SH3RF3: variants seen among roughly 807,000 people sequenced by gnomAD.
SH3RF3 encodes SH3 domain containing ring finger 3.
In SH3RF3, 29 loss-of-function variants were observed where a neutral mutation model predicts 66.3. The observed-to-expected ratio is 0.44, with a 90% CI of 0.33 to 0.60. The LOEUF is 0.60. Among genes scored for constraint, SH3RF3 ranks in the 20% least tolerant of loss-of-function variants. The pLI is 0.04. For missense variants in SH3RF3, 1,194 were observed against 1,190.9 expected, an observed-to-expected ratio of 1.00 and a Z score of -0.04; for synonymous variants, 583 against 532.0, an observed-to-expected ratio of 1.10 and a Z score of -1.32.
intron 3 of SH3RF3, among the ~76,000 whole-genome samples, chr2:109,387,700 C>A (rs1002009678): frequency 6.6e-6 from 1 of 152,240 alleles, no homozygotes; most frequent in Non-Finnish European, 1.5e-5. Context: ...CACCATTCAA[C>A]GTCCTCTATG....
intron 1 of SH3RF3, among the ~76,000 whole-genome samples, chr2:109,278,544 C>T (rs1287661680): frequency 6.6e-6 from 1 of 152,202 alleles, no homozygotes; most frequent in Non-Finnish European, 1.5e-5. Context: ...ACTGGAATGT[C>T]GGGCCCCAAT....
chr2:109,481,783 C>T (rs1444322125), intron 8 of SH3RF3, among the ~76,000 whole-genome samples: 4 of 152,182 alleles, frequency 2.6e-5, no homozygotes, highest in East Asian at 1.9e-4. Flanking sequence ...CCCTCTGCAC[C>T]GAGACAACTG....
intron 3 of SH3RF3, among the ~76,000 whole-genome samples, chr2:109,377,077 A>C (rs113445454): frequency 3.9e-5 from 6 of 152,206 alleles, no homozygotes; most frequent in African/African-American, 1.4e-4. Context: ...GGCTGAAAAA[A>C]TAGGTGCCTT....
At chr2:109,225,397 C>T (rs1229768509) in intron 1 of SH3RF3, among the ~76,000 whole-genome samples, 1 of 152,132 alleles carries the variant, frequency 6.6e-6, no homozygotes, top group African/African-American at 2.4e-5. Flanking sequence ...CACAGGGACC[C>T]GAAATCTGCA....
At chr2:109,147,646 A>G (rs1228019201) in intron 1 of SH3RF3, among the ~76,000 whole-genome samples, 1 of 152,132 alleles carries the variant, frequency 6.6e-6, no homozygotes, top group Non-Finnish European at 1.5e-5. Flanking sequence ...CTTGAAAATG[A>G]TTTATTTGTC....
intron 1 of SH3RF3, among the ~76,000 whole-genome samples, chr2:109,199,936 G>A (rs1678628161): frequency 7.4e-6 from 1 of 135,316 alleles, no homozygotes; most frequent in Non-Finnish European, 1.6e-5. Flanking sequence ...CCGCTGTACA[G>A]CACGTGTCCC....
intron 1 of SH3RF3, among the ~76,000 whole-genome samples, chr2:109,142,392 CTGTG>C (rs1676978989): frequency 6.6e-6 from 1 of 152,240 alleles, no homozygotes; most frequent in African/African-American, 2.4e-5. Context: ...CCAAAGCACC[CTGTG>C]GGGTTAGCTC....
chr2:109,277,315 G>A (rs1315424817), intron 1 of SH3RF3, among the ~76,000 whole-genome samples: 1 of 152,166 alleles, frequency 6.6e-6, no homozygotes, highest in African/African-American at 2.4e-5. Flanking sequence ...GCAGATGATG[G>A]TTTGATTGGA....
intron 2 of SH3RF3, among the ~76,000 whole-genome samples, chr2:109,351,565 C>T (rs1020269361): frequency 6.6e-6 from 1 of 152,244 alleles, no homozygotes; most frequent in East Asian, 1.9e-4. Context: ...ATTGTGGTCG[C>T]CTTGCCAGGC....
In SH3RF3 at chr2:109,257,462, G is replaced by A. The variant is rs368169104; in HGVS notation, c.574-90212G>A. Among the ~76,000 whole-genome samples the A allele has an allele frequency of 1.8e-4, 28 of 152,204 alleles. No homozygotes were observed. In the South Asian group the frequency reaches 5.8e-3, roughly 32 times the overall value. On this transcript the variant is annotated intron_variant, in intron 1 of 9. Coordinates refer to ENST00000309415, the MANE Select transcript of SH3RF3 (RefSeq NM_001099289.3). ...GAGGGAGGGAGGAAGAAGCCCCATG[G>A]CTTTCTTGTAAATAGCAGCTGCCCT... is the stretch of plus-strand genomic sequence containing the variant.
At chr2:109,320,612 T>C (rs1681999774) in intron 1 of SH3RF3, among the ~76,000 whole-genome samples, 1 of 152,218 alleles carries the variant, frequency 6.6e-6, no homozygotes, top group African/African-American at 2.4e-5. Context: ...GCTTACTAGG[T>C]CACCAAAATC....
intron 4 of SH3RF3, among the ~76,000 whole-genome samples, chr2:109,408,980 G>C (rs1452297981): frequency 6.6e-6 from 1 of 152,202 alleles, no homozygotes; most frequent in East Asian, 1.9e-4. Flanking sequence ...GGGCAAGATA[G>C]GTTGCTTCTT....
At chr2:109,497,111 CTATAA>C (rs1679278460) in intron 9 of SH3RF3, among the ~76,000 whole-genome samples, 1 of 152,178 alleles carries the variant, frequency 6.6e-6, no homozygotes, top group Non-Finnish European at 1.5e-5. Context: ...ATGGACGGAA[CTATAA>C]TATATTTTTA....
chr2:109,402,537 C>T (rs1676343299), intron 4 of SH3RF3, among the ~76,000 whole-genome samples: 1 of 152,222 alleles, frequency 6.6e-6, no homozygotes, highest in East Asian at 1.9e-4. Flanking sequence ...CCCCAGGCTC[C>T]TCGGTGCCTA....
chr2:109,327,311 C>A (rs1001940153), intron 1 of SH3RF3, among the ~76,000 whole-genome samples: 3 of 152,222 alleles, frequency 2.0e-5, no homozygotes, highest in Admixed American at 6.5e-5. Flanking sequence ...CCTTTCCCTG[C>A]CGCTGGTAAA....
chr2:109,155,282 A>G (rs572196169), intron 1 of SH3RF3, among the ~76,000 whole-genome samples: 2 of 152,246 alleles, frequency 1.3e-5, no homozygotes, highest in South Asian at 4.2e-4. Flanking sequence ...AAGTGATTAT[A>G]GAGTTGGAAG....
intron 1 of SH3RF3, among the ~76,000 whole-genome samples, chr2:109,209,611 G>C (rs1446049393): frequency 6.6e-6 from 1 of 152,148 alleles, no homozygotes; most frequent in Non-Finnish European, 1.5e-5. Context: ...ACTCCCTGCT[G>C]TGTAGGTGGG....
In SH3RF3 at chr2:109,490,850, G is replaced by A. The variant is rs1231379587; in HGVS notation, c.2394G>A (p.Leu798=). 1 of 1,536,406 alleles carries A rather than the reference G, an allele frequency of 6.5e-7. No homozygotes were observed. The highest frequency in any genetic ancestry group is 8.7e-7 in the Non-Finnish European group (1 of 1,146,420). The part of the protein sequence containing the change: ...MEPLHRKAGS[L]DLNFTSPSRQ... Reference sequence around the variant, plus strand: ...CTCTGCACAGGAAGGCAGGCTCCTTGGATCTAAACTTCACATCTCCTTCCC... The same window carrying A: ...CTCTGCACAGGAAGGCAGGCTCCTTAGATCTAAACTTCACATCTCCTTCCC... The change falls in exon 9 of 10, where the codon TTG becomes TTA. Residue 798 remains leucine (L), a synonymous_variant. Transcript: ENST00000309415.
At chr2:109,251,426 G>A (rs1680089368) in intron 1 of SH3RF3, 5 of 708,432 alleles carry the variant, frequency 7.1e-6, no homozygotes, top group South Asian at 1.4e-5. Context: ...GACACCATGA[G>A]CAAAGCTCAC....
Sources: allele counts gnomAD v4.1 joint callset (sites outside exome capture counted in the v4.1 genomes callset), GRCh38; gene constraint gnomAD v4.1.1; transcripts MANE v1.5; gene names NCBI Gene and HGNC (gene_info 2026-07-23, HGNC 2026-07-21).